Variants in CAMK1 observed in about 807,000 individuals in gnomAD.
CAMK1 encodes calcium/calmodulin-dependent protein kinase type 1.
Under a neutral mutation model 49.1 loss-of-function variants are expected in CAMK1, and 39 were observed. That is an observed-to-expected ratio of 0.79 (90% CI 0.62 to 1.04). The LOEUF is 1.04. CAMK1 is among the 50% of genes least tolerant of loss of function. CAMK1 has a pLI of 0.00. For synonymous variants in CAMK1, 192 were observed against 185.2 expected (o/e 1.04, Z -0.30); for missense variants, 457 against 472.2 (o/e 0.97, Z 0.30).
At position 9,760,752 on chromosome 3, in the gene CAMK1, G is replaced by T; in HGVS notation, c.649C>A (p.Pro217Thr). 6.2e-7 allele frequency: 1 copy of T among 1,614,058 alleles called. No individual in the cohort carries two copies. ...TTGGCATCATTCTCGTCATAGAAGG[G>T]AGGGTAACCGCAGAGCCTGGGCAGG... ...IAYILLCGYP[P>T]FYDENDAKLF... is the part of the protein sequence containing the mutation. Residue 217 changes from proline to threonine, a missense_variant, in exon 8 of 12, where the codon CCC becomes ACC. Pro to Thr is a conservative substitution (Grantham distance 38, BLOSUM62 -1). Coordinates refer to ENST00000256460, the MANE Select transcript of CAMK1 (RefSeq NM_003656.5).
At position 9,760,753 on chromosome 3, in the gene CAMK1, A is replaced by C. The variant is rs1048619930; in HGVS notation, c.648T>G (p.Pro216=). ...VIAYILLCGY[P]PFYDENDAKL... is the part of the protein sequence containing the mutation. The stretch of plus-strand genomic sequence containing the variant: ...TGGCATCATTCTCGTCATAGAAGGG[A>C]GGGTAACCGCAGAGCCTGGGCAGGG... Residue 216 remains proline, a synonymous_variant, in exon 8 of 12, where the codon CCT becomes CCG. Coordinates refer to ENST00000256460, the MANE Select transcript of CAMK1 (RefSeq NM_003656.5). 1.2e-6 allele frequency: 2 copies of C among 1,613,852 alleles called. No individual in the cohort carries two copies. The highest frequency in any genetic ancestry group is 2.7e-5 in the African/African-American group (2 of 74,908).
At position 9,757,441 on chromosome 3, in the gene CAMK1, G is replaced by C. The variant is rs2077631524; in HGVS notation, c.*98C>G. 3 of 1,607,360 alleles carry C rather than the reference G, an allele frequency of 1.9e-6. No homozygotes were observed. In the African/African-American group the frequency reaches 4.0e-5, roughly 21 times the overall value. On this transcript the variant is annotated 3_prime_UTR_variant, in exon 12 of 12. Transcript: ENST00000256460. The surrounding 1 kb of genome is among the most constrained non-coding windows in gnomAD (Gnocchi z 4.5). ...GGAGTGGTAGGGAAGCAGGTGAGGA[G>C]GGGACAGGGCAGAGAAACTCCCGGT...
intron 1 of CAMK1, among the ~76,000 whole-genome samples, chr3:9,768,564 G>T (rs770803409): frequency 6.6e-6 from 1 of 152,226 alleles, no homozygotes; most frequent in Admixed American, 6.5e-5. Flanking sequence ...TGGCTCCAGA[G>T]GCCCTAATGA....
chr3:9,766,241 G>T (rs1221800666), intron 2 of CAMK1: 1 of 714,896 alleles, frequency 1.4e-6, no homozygotes, highest in Middle Eastern at 2.3e-4. Context: ...TAACACAAAG[G>T]AAGTCCAACC....
chr3:9,768,848 C>G (rs1264278210), intron 1 of CAMK1, among the ~76,000 whole-genome samples: 2 of 152,110 alleles, frequency 1.3e-5, no homozygotes, highest in Non-Finnish European at 2.9e-5. Flanking sequence ...GACCTTTTTC[C>G]CAGGGGACCC....
Position 9,757,440 on chromosome 3 carries a change from A to T in CAMK1, c.*99T>A, listed in dbSNP as rs2077631393. 2 of 1,607,304 alleles carry T rather than the reference A, an allele frequency of 1.2e-6. No homozygotes were observed. Among genetic ancestry groups the T allele is most frequent in the Admixed American group, 1.7e-5 (1 of 59,044 alleles). ...AGGAGTGGTAGGGAAGCAGGTGAGGAGGGGACAGGGCAGAGAAACTCCCGG... is the reference window on the plus strand; with the variant it reads ...AGGAGTGGTAGGGAAGCAGGTGAGGTGGGGACAGGGCAGAGAAACTCCCGG... On this transcript the variant is annotated 3_prime_UTR_variant, in exon 12 of 12. Transcript: ENST00000256460. This position sits in a 1 kb window ranked among gnomAD's most constrained non-coding sequence, Gnocchi z 4.5.
intron 10 of CAMK1, 164 bp from the exon 11 acceptor site, chr3:9,758,010 T>C: frequency 8.9e-7 from 1 of 1,126,902 alleles, no homozygotes; most frequent in South Asian, 1.7e-5. Flanking sequence ...CAAGGCTTTA[T>C]TATATATTTA....
At position 9,765,767 on chromosome 3, in the gene CAMK1, G is replaced by T. The variant is rs780631172; in HGVS notation, c.207C>A (p.Val69=). 1 of 1,613,992 alleles carries T rather than the reference G, an allele frequency of 6.2e-7. No homozygotes were observed. Among genetic ancestry groups the T allele is most frequent in the Admixed American group, 1.7e-5 (1 of 60,026 alleles). The change falls in exon 3 of 12, where the codon GTC becomes GTA. Residue 69 remains valine, a synonymous_variant. Transcript: ENST00000256460. ...GGCTGTGGCCCACGCACTTGTGCAG[G>T]ACAGCAATCTCATTCTCCATGCTGC... ...KEGSMENEIA[V]LHKIKHPNIV...
intron 2 of CAMK1, chr3:9,766,506 C>G: frequency 7.1e-6 from 3 of 420,452 alleles, no homozygotes; most frequent in East Asian, 7.1e-5. Context: ...AAAAGAAATG[C>G]AAAACTTTAG....
Position 9,757,905 on chromosome 3 carries a change from TG to T in CAMK1, c.913-60del. ...AAGGACTTTTGAGAGAGTCAAGTCA[TG>T]GGGCAGGGGCGCAGTGGGATTCTTG... On this transcript the variant is annotated intron_variant, in intron 10 of 11. Coordinates refer to ENST00000256460, the MANE Select transcript of CAMK1 (RefSeq NM_003656.5). The surrounding 1 kb of genome is among the most constrained non-coding windows in gnomAD (Gnocchi z 4.5). 6.4e-7 allele frequency: 1 copy of T among 1,552,040 alleles called. No homozygotes were observed. Among genetic ancestry groups the T allele is most frequent in the Non-Finnish European group, 8.7e-7 (1 of 1,144,626 alleles).
At chr3:9,766,162 G>A (rs1283491664) in intron 2 of CAMK1, 3 of 935,234 alleles carry the variant, frequency 3.2e-6, no homozygotes, top group Non-Finnish European at 5.1e-6. Context: ...GAGCTGGTAG[G>A]ATGTAAGCCT....
chr3:9,762,224 C>T (rs182068718), intron 5 of CAMK1: 33 of 159,896 alleles, frequency 2.1e-4, no homozygotes, highest in African/African-American at 6.0e-4. Context: ...TCTCCTAGAA[C>T]GGATTGAGAT....
At chr3:9,759,273 C>T (rs757163092) in intron 10 of CAMK1, 38 of 1,613,268 alleles carry the variant, frequency 2.4e-5, no homozygotes, top group Middle Eastern at 1.6e-4. Flanking sequence ...AGACTTCTTC[C>T]TCTAGACTTG....
intron 10 of CAMK1, 186 bp downstream of exon 10, chr3:9,759,302 T>A: frequency 6.3e-7 from 1 of 1,599,760 alleles, no homozygotes; most frequent in Non-Finnish European, 8.6e-7. Context: ...GGACCCTCTC[T>A]GGAATAGAGA....
chr3:9,760,958 T>C (rs777700577), intron 7 of CAMK1, 190 bp from the exon 8 acceptor site: 6 of 822,956 alleles, frequency 7.3e-6, no homozygotes, highest in Non-Finnish European at 1.1e-5. Flanking sequence ...TGTGCCGCCA[T>C]CTTGCCCTCC....
At chr3:9,759,842 G>A (rs746424746) in intron 8 of CAMK1, 92 bp from the exon 9 acceptor site, 2 of 1,606,148 alleles carry the variant, frequency 1.2e-6, no homozygotes, top group Admixed American at 1.7e-5. Flanking sequence ...GTCTGGCCTG[G>A]CATCAAGACA....
intron 3 of CAMK1, among the ~76,000 whole-genome samples, chr3:9,765,083 C>T (rs573228803): frequency 1.4e-4 from 21 of 151,342 alleles, no homozygotes; most frequent in African/African-American, 4.4e-4. Flanking sequence ...AAAAATTAGC[C>T]GGGCGTGGTG....
chr3:9,763,608 G>A (rs1166348816), intron 3 of CAMK1, among the ~76,000 whole-genome samples: 1 of 152,014 alleles, frequency 6.6e-6, no homozygotes, highest in Non-Finnish European at 1.5e-5. Context: ...CACAGACCTG[G>A]GTCCAAATCC....
chr3:9,757,501 C>T lies in CAMK1; in HGVS notation c.*38G>A. On this transcript the variant is annotated 3_prime_UTR_variant, in exon 12 of 12. Coordinates refer to ENST00000256460, the MANE Select transcript of CAMK1 (RefSeq NM_003656.5). This position sits in a 1 kb window ranked among gnomAD's most constrained non-coding sequence, Gnocchi z 4.5. ...GAAGGGGAGCAGGCTGCCCCCAAGC[C>T]CTCCCACGCAGAGGATCATGACCCG... The T allele has an allele frequency of 6.2e-7, 1 of 1,605,192 alleles. No homozygotes were observed. Among genetic ancestry groups the T allele is most frequent in the South Asian group, 1.1e-5 (1 of 90,280 alleles).
Sources: allele counts gnomAD v4.1 joint callset (sites outside exome capture counted in the v4.1 genomes callset), GRCh38; gene constraint gnomAD v4.1.1; non-coding constraint Gnocchi (gnomAD v3.1); transcripts MANE v1.5; gene names NCBI Gene and HGNC (gene_info 2026-07-23, HGNC 2026-07-21).